The following ANKS1B variants were observed in gnomAD, a reference collection of about 807,000 sequenced individuals.
The protein encoded by ANKS1B is ankyrin repeat and sterile alpha motif domain containing 1B, also known as ankyrin repeat and sterile alpha motif domain-containing protein 1B.
A neutral mutation model predicts 148.3 loss-of-function variants in ANKS1B; 36 were observed. The observed-to-expected ratio is 0.24, with a 90% CI of 0.19 to 0.32. The LOEUF (loss-of-function observed/expected upper bound fraction) is 0.32, where lower values mean the gene tolerates loss of function less well. Among genes scored for constraint, ANKS1B ranks in the 10% least tolerant of loss-of-function variants. The pLI is 1.00. For missense variants in ANKS1B, 1,157 were observed against 1,542.6 expected, an observed-to-expected ratio of 0.75 and a Z score of 4.19; for synonymous variants, 542 against 560.8, an observed-to-expected ratio of 0.97 and a Z score of 0.47.
intron 11 of ANKS1B, among the ~76,000 whole-genome samples, chr12:99,431,689 T>A (rs2095374121): frequency 6.6e-6 from 1 of 152,158 alleles, no homozygotes; most frequent in African/African-American, 2.4e-5. Context: ...AAGAGGAAGG[T>A]GGCAGAATAT....
At chr12:98,755,051 A>T (rs1422112902) in intron 25 of ANKS1B, among the ~76,000 whole-genome samples, 1 of 151,948 alleles carries the variant, frequency 6.6e-6, no homozygotes, top group Non-Finnish European at 1.5e-5. Flanking sequence ...GGATGCCAGG[A>T]GGGCCCATGG....
chr12:99,930,818 T>C (rs954091462), intron 1 of ANKS1B, among the ~76,000 whole-genome samples: 25 of 152,160 alleles, frequency 1.6e-4, no homozygotes, highest in Middle Eastern at 3.2e-3. Flanking sequence ...AGAAGTACCA[T>C]TTGACCCAGC....
At chr12:98,880,695 A>G (rs189973842) in intron 17 of ANKS1B, among the ~76,000 whole-genome samples, 2,338 of 152,186 alleles carry the variant, frequency 0.015, 59 homozygotes, top group East Asian at 0.11. Flanking sequence ...GTGAACCCGG[A>G]AGGCGGAGCT....
chr12:99,950,540 ATTATGTTTATGT>A (rs2095191944), intron 1 of ANKS1B, among the ~76,000 whole-genome samples: 1 of 152,146 alleles, frequency 6.6e-6, no homozygotes, highest in Non-Finnish European at 1.5e-5. Context: ...ATGTAATGTA[ATTATGTTTATGT>A]TTCCATGCTT....
At chr12:99,361,397 G>C (rs571698790) in intron 12 of ANKS1B, among the ~76,000 whole-genome samples, 2 of 152,006 alleles carry the variant, frequency 1.3e-5, no homozygotes, top group African/African-American at 4.8e-5. Flanking sequence ...CATTTCAAAC[G>C]CTTTATTAAG....
At chr12:99,082,917 C>T (rs189621687) in intron 16 of ANKS1B, among the ~76,000 whole-genome samples, 3 of 152,186 alleles carry the variant, frequency 2.0e-5, no homozygotes, top group Admixed American at 6.5e-5. Flanking sequence ...ATAGATACAG[C>T]AGTATGGAAG....
chr12:99,651,901 ATGTG>A (rs988982446), intron 9 of ANKS1B, among the ~76,000 whole-genome samples: 4 of 151,834 alleles, frequency 2.6e-5, no homozygotes, highest in African/African-American at 9.7e-5. Context: ...CAAATTGTGT[ATGTG>A]TGTATGTGTA....
At chr12:99,953,366 T>G (rs1308507593) in intron 1 of ANKS1B, among the ~76,000 whole-genome samples, 9 of 152,146 alleles carry the variant, frequency 5.9e-5, no homozygotes, top group Non-Finnish European at 2.9e-5. Context: ...ACATACCATT[T>G]GGTGATTAGG....
chr12:98,932,238 C>T (rs538844793), intron 17 of ANKS1B, among the ~76,000 whole-genome samples: 3 of 152,288 alleles, frequency 2.0e-5, no homozygotes, highest in Middle Eastern at 3.4e-3. Context: ...AGCTCCACCT[C>T]TGAGAATTCT....
chr12:99,319,345 T>C (rs1218923070), intron 12 of ANKS1B, among the ~76,000 whole-genome samples: 6 of 152,220 alleles, frequency 3.9e-5, no homozygotes, highest in Admixed American at 1.3e-4. Context: ...TTTATGAATC[T>C]GGGTACTCCT....
chr12:99,688,864 G>A (rs559649956), intron 8 of ANKS1B, among the ~76,000 whole-genome samples: 15 of 148,398 alleles, frequency 1.0e-4, no homozygotes, highest in Non-Finnish European at 2.1e-4. Context: ...ATAATTACAT[G>A]AGCAAGTGCT....
intron 8 of ANKS1B, among the ~76,000 whole-genome samples, chr12:99,731,967 A>G (rs1410622527): frequency 1.3e-5 from 2 of 152,236 alleles, no homozygotes; most frequent in African/African-American, 2.4e-5. Context: ...ACTGAATAAT[A>G]ATATAGACAA....
intron 12 of ANKS1B, among the ~76,000 whole-genome samples, chr12:99,392,779 A>G (rs2094118098): frequency 6.6e-6 from 1 of 152,184 alleles, no homozygotes; most frequent in Non-Finnish European, 1.5e-5. Context: ...TCGGTCTTTT[A>G]AAACGGATAC....
At chr12:99,346,397 A>T (rs1258410969) in intron 12 of ANKS1B, among the ~76,000 whole-genome samples, 18 of 149,156 alleles carry the variant, frequency 1.2e-4, no homozygotes, top group African/African-American at 3.0e-4. Context: ...ACACACACAC[A>T]CTCTCTCTCT....
chr12:99,715,080 G>A (rs2057130652), intron 8 of ANKS1B, among the ~76,000 whole-genome samples: 1 of 151,950 alleles, frequency 6.6e-6, no homozygotes, highest in Admixed American at 6.6e-5. Flanking sequence ...AATAAGCAGA[G>A]ATTGCACCAC....
At chr12:99,006,922 T>C (rs1169689582) in intron 17 of ANKS1B, among the ~76,000 whole-genome samples, 1 of 152,232 alleles carries the variant, frequency 6.6e-6, no homozygotes, top group Non-Finnish European at 1.5e-5. Flanking sequence ...ACTGTTCATC[T>C]ATCAGGTAAG....
At chr12:99,421,434 A>G (rs1236405314) in intron 11 of ANKS1B, among the ~76,000 whole-genome samples, 1 of 152,166 alleles carries the variant, frequency 6.6e-6, no homozygotes, top group East Asian at 1.9e-4. Flanking sequence ...TCTGATGGGA[A>G]ATAAGTGGCA....
At chr12:98,787,501 C>G (rs2098806232) in intron 22 of ANKS1B, among the ~76,000 whole-genome samples, 2 of 152,150 alleles carry the variant, frequency 1.3e-5, no homozygotes, top group African/African-American at 4.8e-5. Context: ...AGCCATTTTT[C>G]AAGTCAAGAA....
At position 99,984,585 on chromosome 12, in the gene ANKS1B, G is replaced by A. The variant is rs1015512748; in HGVS notation, c.-348C>T. On this transcript the variant is annotated 5_prime_UTR_variant, in exon 1 of 27. Transcript: ENST00000683438. ...GGTGCTTTTGAGGAGCGGGAGGAGG[G>A]TGGTGAGGACTGAGGTCGGAGGAGG... 81 of 212,948 alleles carry A rather than the reference G, an allele frequency of 3.8e-4. No homozygotes were observed. Among genetic ancestry groups the A allele is most frequent in the Middle Eastern group, 1.8e-3 (1 of 554 alleles). 13.2% of individuals were successfully genotyped at this position (212,948 alleles called of 1,614,324 possible).
Sources: allele counts gnomAD v4.1 joint callset (sites outside exome capture counted in the v4.1 genomes callset), GRCh38; gene constraint gnomAD v4.1.1; transcripts MANE v1.5; gene names NCBI Gene and HGNC (gene_info 2026-07-23, HGNC 2026-07-21).